Variants in ATRX observed in about 807,000 individuals in gnomAD.
The protein encoded by ATRX is chromatin remodeler ATRX.
In ATRX, 12 loss-of-function variants were observed where a neutral mutation model predicts 172.6. The observed-to-expected ratio is 0.07, with a 90% CI of 0.04 to 0.11. The LOEUF (loss-of-function observed/expected upper bound fraction) is 0.11, where lower values mean the gene tolerates loss of function less well. Among genes scored for constraint, ATRX ranks in the 10% least tolerant of loss-of-function variants. The pLI, the probability that ATRX is intolerant of heterozygous loss-of-function variation, is 1.00. For missense variants in ATRX, 1,368 were observed against 1,767.4 expected (o/e 0.77, Z 4.05); for synonymous variants, 674 against 594.7 (o/e 1.13, Z -1.94).
intron 17 of ATRX, among the ~76,000 whole-genome samples, chrX:77,634,232 TAAAAAAAAAAA>T (rs144290953): frequency 1.8e-5 from 1 of 54,068 alleles, no homozygotes; most frequent in African/African-American, 7.5e-5. Context: ...TTAAAAGTTG[TAAAAAAAAAAA>T]AAAAAAAAAA....
rs982183128 is a variant in ATRX, at chrX:77,735,016, C to T, written c.21-17773G>A. 2.8e-5 allele frequency among the ~76,000 whole-genome samples: 3 copies of T among 106,668 alleles called. No individual in the cohort carries two copies. In the Admixed American group the frequency reaches 3.0e-4, roughly 11 times the overall value. The allele number at this position is 106,668 out of a possible 115,157, so 92.6% of individuals were successfully genotyped here. ...CTGAGGCAGGAGAACTGCTTGAATC[C>T]GGGAGGCAGAGGTTGCAGTGAGCCC... On this transcript the variant is annotated intron_variant, in intron 1 of 34. Coordinates refer to ENST00000373344, the MANE Select transcript of ATRX (RefSeq NM_000489.6).
At position 77,506,982 on chromosome X, in the gene ATRX, TGTTGA is replaced by T. The variant is rs1328756749; in HGVS notation, c.*1364_*1368del. Reference sequence around the variant, plus strand: ...CATCATCTCAAAAATGGTTCTGCCATGTTGAGTTGACTCCCATAGTCAAAAACAAT... The same window carrying T: ...CATCATCTCAAAAATGGTTCTGCCATGTTGACTCCCATAGTCAAAAACAAT... On this transcript the variant is annotated 3_prime_UTR_variant, in exon 35 of 35. Coordinates refer to ENST00000373344, the MANE Select transcript of ATRX (RefSeq NM_000489.6). 1.5e-4 allele frequency: 23 copies of T among 153,063 alleles called. No homozygotes were observed. Among genetic ancestry groups the T allele is most frequent in the Non-Finnish European group, 2.4e-4 (20 of 82,096 alleles). 12.6% of individuals were successfully genotyped at this position (153,063 alleles called of 1,213,427 possible).
At position 77,688,920 on chromosome X, in the gene ATRX, C is replaced by T. The variant is rs782652252; in HGVS notation, c.492G>A (p.Gly164=). Residue 164 remains glycine (G), a synonymous_variant, in exon 7 of 35, where the codon GGG becomes GGA. Coordinates refer to ENST00000373344, the MANE Select transcript of ATRX (RefSeq NM_000489.6). Reference sequence around the variant, plus strand: ...CAGTGCAGCTCACAATCCCATGAAGCCCATCTTCTAGGAGAAAGGAGTGGC... The same window carrying T: ...CAGTGCAGCTCACAATCCCATGAAGTCCATCTTCTAGGAGAAAGGAGTGGC... The part of the protein sequence containing the change: ...TENLKKRGED[G]LHGIVSCTAC... 2.8e-5 allele frequency: 33 copies of T among 1,199,395 alleles called. No homozygotes were observed. The highest frequency in any genetic ancestry group is 3.6e-5 in the Non-Finnish European group (32 of 884,823).
At chrX:77,617,047 A>G in intron 21 of ATRX, among the ~76,000 whole-genome samples, 2 of 111,622 alleles carry the variant, frequency 1.8e-5, no homozygotes, top group Middle Eastern at 9.1e-3. Flanking sequence ...AAAAAAAATA[A>G]CAAAAGGTAT....
chrX:77,682,792 C>T lies in ATRX; in HGVS notation c.2464G>A (p.Glu822Lys), dbSNP rs782687417. 3 of 1,208,266 alleles carry T rather than the reference C, an allele frequency of 2.5e-6. No homozygotes were observed. Among genetic ancestry groups the T allele is most frequent in the Non-Finnish European group, 2.2e-6 (2 of 894,685 alleles). ...SESSNYDSEL[E>K]KEIKSMSKIG... ...TTACTCATGCTCTTTATCTCTTTTT[C>T]TAATTCTGAGTCATAATTAGAAGAC... The change falls in exon 9 of 35, where the codon GAA (glutamate) becomes AAA (lysine). Residue 822 changes from glutamate to lysine, a missense_variant. This residue lies in a region of ATRX where 843 missense variants were observed against 643.1 expected (regional missense o/e 1.31). Coordinates refer to ENST00000373344, the MANE Select transcript of ATRX (RefSeq NM_000489.6).
intron 1 of ATRX, among the ~76,000 whole-genome samples, chrX:77,777,191 T>TAAAAAAAA (rs782165810): frequency 0.017 from 347 of 21,014 alleles, 5 homozygotes; most frequent in Middle Eastern, 0.056. Flanking sequence ...CTGTCTCTAC[T>TAAAAAAAA]AAAAAAAAAA....
At position 77,553,225 on chromosome X, in the gene ATRX, T is replaced by C. The variant is rs142107480; in HGVS notation, c.6699+4226A>G. Among the ~76,000 whole-genome samples the C allele has an allele frequency of 7.0e-3, 782 of 111,610 alleles. 12 individuals carry two copies. The highest frequency in any genetic ancestry group is 0.025 in the African/African-American group (753 of 30,700). ...TGGAAATCTTACATGAAATTCTAAT[T>C]ATAAATCAAGGGAACATTAATAATT... On this transcript the variant is annotated intron_variant, in intron 30 of 34. Coordinates refer to ENST00000373344, the MANE Select transcript of ATRX (RefSeq NM_000489.6).
At chrX:77,552,938 A>T (rs2064617348) in intron 30 of ATRX, among the ~76,000 whole-genome samples, 1 of 111,855 alleles carries the variant, frequency 8.9e-6, no homozygotes, top group Non-Finnish European at 1.9e-5. Context: ...GAATTTAATT[A>T]TTACTTAGAT....
At chrX:77,781,385 T>C (rs1364276103) in intron 1 of ATRX, among the ~76,000 whole-genome samples, 1 of 97,723 alleles carries the variant, frequency 1.0e-5, no homozygotes, top group Non-Finnish European at 2.0e-5. Flanking sequence ...GAGTTTGCAG[T>C]GACCTGAGAT....
At chrX:77,644,404 C>A (rs1298200916) in intron 15 of ATRX, among the ~76,000 whole-genome samples, 4 of 112,229 alleles carry the variant, frequency 3.6e-5, no homozygotes, top group African/African-American at 1.3e-4. Context: ...TCCCAGCAAA[C>A]CCTTGAAAAG....
intron 19 of ATRX, among the ~76,000 whole-genome samples, chrX:77,627,523 G>A (rs1203729398): frequency 9.0e-6 from 1 of 110,655 alleles, no homozygotes; most frequent in Non-Finnish European, 1.9e-5. Context: ...GAGGCCAGGA[G>A]GCCAAGACTA....
intron 1 of ATRX, among the ~76,000 whole-genome samples, chrX:77,739,617 T>C (rs2074764598): frequency 9.1e-6 from 1 of 110,329 alleles, no homozygotes; most frequent in Admixed American, 9.8e-5. Context: ...TCTTAAAACA[T>C]CCAATTGAAA....
chrX:77,708,904 G>C (rs1441526276), intron 2 of ATRX, among the ~76,000 whole-genome samples: 2 of 112,138 alleles, frequency 1.8e-5, no homozygotes, highest in South Asian at 7.3e-4. Flanking sequence ...TTTCAATAAA[G>C]ATGTTTAATG....
chrX:77,737,203 C>T (rs2074613464), intron 1 of ATRX, among the ~76,000 whole-genome samples: 1 of 110,102 alleles, frequency 9.1e-6, no homozygotes, highest in South Asian at 3.9e-4. Flanking sequence ...GGCGGGCGAA[C>T]CACGCGGTCA....
chrX:77,582,725 G>C (rs184171555), intron 27 of ATRX, among the ~76,000 whole-genome samples: 84 of 111,535 alleles, frequency 7.5e-4, no homozygotes, highest in African/African-American at 1.5e-3. Context: ...ACTATATGCC[G>C]ATAAATTGGA....
rs782111765 is a variant in ATRX at position 77,696,929 on chromosome X, A to T, written c.243-225T>A. 7.2e-5 allele frequency among the ~76,000 whole-genome samples: 8 copies of T among 111,683 alleles called. No individual in the cohort carries two copies. The South Asian group carries it at 3.0e-3, about 42-fold the overall frequency. Reference sequence around the variant, plus strand: ...GCATTCTGAAAAAGCTACCAGGGAGACCCTGGAGGACACTCTTCTTTAAGA... The same window carrying T: ...GCATTCTGAAAAAGCTACCAGGGAGTCCCTGGAGGACACTCTTCTTTAAGA... On this transcript the variant is annotated intron_variant, in intron 4 of 34. Transcript: ENST00000373344.
chrX:77,508,103 A>C lies in ATRX; in HGVS notation c.*248T>G. On this transcript the variant is annotated 3_prime_UTR_variant, in exon 35 of 35. Transcript: ENST00000373344. ...TACTATTATGGAAGGACTTGTTTTC[A>C]CTGAAAACAATTTGAAATATCTTCT... 1 of 317,643 alleles carries C rather than the reference A, an allele frequency of 3.1e-6. No homozygotes were observed. The allele number at this position is 317,643 out of a possible 1,213,427, so 26.2% of individuals were successfully genotyped here.
chrX:77,779,473 T>C (rs1266081854), intron 1 of ATRX, among the ~76,000 whole-genome samples: 1 of 111,630 alleles, frequency 9.0e-6, no homozygotes, highest in Non-Finnish European at 1.9e-5. Context: ...CCTTAACTGC[T>C]AACTCATTCA....
intron 8 of ATRX, 106 bp from the exon 9 acceptor site, chrX:77,684,699 CTCTT>C (rs2071455925): frequency 1.0e-6 from 1 of 960,833 alleles, no homozygotes; most frequent in Non-Finnish European, 1.5e-6. Context: ...TCATTTTAAT[CTCTT>C]TGTTATAATG....
Sources: gnomAD v4.1 joint callset for allele counts (sites outside exome capture counted in the v4.1 genomes callset) on GRCh38, gnomAD v4.1.1 for gene constraint, gnomAD v4.1.1 regional missense constraint, MANE v1.5 for transcripts, NCBI Gene and HGNC (gene_info 2026-07-23, HGNC 2026-07-21) for gene names.